Variants in PRIM2 observed in about 807,000 individuals in gnomAD.
The protein encoded by PRIM2 is DNA primase subunit 2.
A neutral mutation model predicts 67.3 loss-of-function variants in PRIM2; 39 were observed. The ratio of observed to expected loss-of-function variants is 0.58; its 90% confidence interval spans 0.45 to 0.76. The LOEUF (loss-of-function observed/expected upper bound fraction) is 0.76. Ranked by LOEUF, PRIM2 falls within the 30% of genes least tolerant of loss-of-function variation. The pLI, the probability that PRIM2 is intolerant of heterozygous loss-of-function variation, is 0.00. For synonymous variants in PRIM2, 143 were observed against 198.7 expected (o/e 0.72, Z 2.36); for missense variants, 398 against 598.7 (o/e 0.66, Z 3.50).
intron 12 of PRIM2, among the ~76,000 whole-genome samples, chr6:57,629,025 T>G (rs1351669636): frequency 1.3e-5 from 2 of 152,184 alleles, no homozygotes; most frequent in Non-Finnish European, 2.9e-5. Flanking sequence ...ACCTGATTTT[T>G]AGTTTGTATT....
chr6:57,244,315 A>C, the PRIM2 span, among the ~76,000 whole-genome samples: 1 of 152,228 alleles, frequency 6.6e-6, no homozygotes, highest in Non-Finnish European at 1.5e-5. Flanking sequence ...CCCAGTTTGC[A>C]AACTGTTCAC....
chr6:57,451,071 A>G (rs9464500), intron 7 of PRIM2, among the ~76,000 whole-genome samples: 32 of 152,254 alleles, frequency 2.1e-4, no homozygotes, highest in Non-Finnish European at 3.7e-4. Flanking sequence ...GAGTTTATGT[A>G]TATTTAATGT....
chr6:57,502,184 G>A (rs1310606417), intron 7 of PRIM2, among the ~76,000 whole-genome samples: 2 of 152,134 alleles, frequency 1.3e-5, no homozygotes, highest in Non-Finnish European at 2.9e-5. Flanking sequence ...CTTGGAAGTT[G>A]AGTTCCCAGC....
At chr6:57,227,014 C>T in the PRIM2 span, among the ~76,000 whole-genome samples, 67 of 152,100 alleles carry the variant, frequency 4.4e-4, 1 homozygote, top group South Asian at 6.2e-3. Flanking sequence ...TGTGTTCCAG[C>T]ATATACACTT....
chr6:57,544,854 A>AT, intron 10 of PRIM2, among the ~76,000 whole-genome samples: 1 of 152,342 alleles, frequency 6.6e-6, no homozygotes, highest in African/African-American at 2.4e-5. Context: ...AAACTAATAC[A>AT]TGGAAATTTC....
At chr6:57,602,100 C>T (rs1270159945) in intron 11 of PRIM2, among the ~76,000 whole-genome samples, 1 of 147,920 alleles carries the variant, frequency 6.8e-6, no homozygotes, top group Non-Finnish European at 1.5e-5. Flanking sequence ...ATTCTTGTTG[C>T]CCAGGCTGGA....
At chr6:57,401,398 T>C (rs1770703534) in intron 7 of PRIM2, among the ~76,000 whole-genome samples, 2 of 152,136 alleles carry the variant, frequency 1.3e-5, no homozygotes, top group African/African-American at 4.8e-5. Context: ...CTATTTCTGG[T>C]GTTGAAGCTT....
At chr6:57,532,373 A>G in intron 8 of PRIM2, 38 bp from the exon 9 acceptor site, 1 of 933,724 alleles carries the variant, frequency 1.1e-6, no homozygotes, top group Non-Finnish European at 1.5e-6. Flanking sequence ...AAAGTATTTT[A>G]TGAATCTGTT....
intron 8 of PRIM2, among the ~76,000 whole-genome samples, chr6:57,512,621 T>C (rs1774394299): frequency 6.6e-6 from 1 of 152,060 alleles, no homozygotes; most frequent in Non-Finnish European, 1.5e-5. Flanking sequence ...TGAGACAAAG[T>C]CTCACTCTGT....
At chr6:57,626,060 C>T (rs1776944937) in intron 12 of PRIM2, among the ~76,000 whole-genome samples, 1 of 152,234 alleles carries the variant, frequency 6.6e-6, no homozygotes, top group South Asian at 2.1e-4. Context: ...CTTGTTATCA[C>T]TTTTAAATAA....
chr6:57,377,739 TTC>T (rs1384912238), intron 5 of PRIM2, among the ~76,000 whole-genome samples: 2 of 152,126 alleles, frequency 1.3e-5, no homozygotes, highest in Non-Finnish European at 2.9e-5. Flanking sequence ...AAATTTTTTT[TTC>T]TTTTTCCTCT....
At chr6:57,360,035 G>T (rs1769146389) in intron 5 of PRIM2, among the ~76,000 whole-genome samples, 1 of 152,142 alleles carries the variant, frequency 6.6e-6, no homozygotes, top group African/African-American at 2.4e-5. Context: ...AGATAATGAG[G>T]TTGATGTTTT....
intron 10 of PRIM2, among the ~76,000 whole-genome samples, chr6:57,597,368 G>A (rs1204208244): frequency 1.3e-5 from 2 of 150,748 alleles, no homozygotes; most frequent in African/African-American, 4.9e-5. Context: ...GAATAGTTTA[G>A]TGAGTCTTTT....
chr6:57,391,066 A>G (rs1327857340), intron 7 of PRIM2, among the ~76,000 whole-genome samples: 2 of 150,650 alleles, frequency 1.3e-5, no homozygotes, highest in Non-Finnish European at 3.0e-5. Flanking sequence ...TTGACTTCTT[A>G]GTAATAGCCA....
intron 7 of PRIM2, among the ~76,000 whole-genome samples, chr6:57,409,376 C>T (rs1177885552): frequency 7.0e-4 from 107 of 152,200 alleles, no homozygotes; most frequent in African/African-American, 2.6e-3. Flanking sequence ...AGGGTTTCAC[C>T]GTGTTAGCCA....
At chr6:57,614,868 A>ATGTG (rs1213223575) in intron 12 of PRIM2, among the ~76,000 whole-genome samples, 7 of 149,580 alleles carry the variant, frequency 4.7e-5, no homozygotes, top group Non-Finnish European at 1.0e-4. Context: ...ATATATATGT[A>ATGTG]TGTGTGTGTG....
chr6:57,268,171 G>A, the PRIM2 span, among the ~76,000 whole-genome samples: 1 of 152,146 alleles, frequency 6.6e-6, no homozygotes, highest in Non-Finnish European at 1.5e-5. Flanking sequence ...CAGCGGAAGG[G>A]AGGAGACATG....
intron 1 of PRIM2, 37 bp downstream of exon 1, chr6:57,317,738 A>G (rs1303262202): frequency 6.5e-6 from 1 of 152,694 alleles, no homozygotes; most frequent in East Asian, 1.9e-4. Context: ...ACAGAGAGCA[A>G]TCCTGTTATT....
intron 5 of PRIM2, chr6:57,326,307 A>C (rs1767852293): frequency 1.4e-5 from 4 of 293,132 alleles, no homozygotes; most frequent in Middle Eastern, 9.6e-4. Context: ...TAGTTTATAA[A>C]GGTTCATCTT....
Sources: gnomAD v4.1 joint callset for allele counts (sites outside exome capture counted in the v4.1 genomes callset) on GRCh38, gnomAD v4.1.1 for gene constraint, MANE v1.5 for transcripts, NCBI Gene and HGNC (gene_info 2026-07-23, HGNC 2026-07-21) for gene names.